Variants in SUGCT observed in about 807,000 individuals in gnomAD.
The protein encoded by SUGCT is succinyl-CoA:glutarate CoA-transferase.
In SUGCT, 41 loss-of-function variants were observed where a neutral mutation model predicts 55.0. The ratio of observed to expected loss-of-function variants is 0.74; its 90% CI spans 0.58 to 0.97. SUGCT has a LOEUF of 0.97. SUGCT is among the 50% of genes least tolerant of loss of function. The pLI is 0.00. For missense variants in SUGCT, 568 were observed against 547.8 expected (o/e 1.04, Z -0.37); for synonymous variants, 187 against 200.4 (o/e 0.93, Z 0.56).
At chr7:40,279,094 G>T (rs970904126) in intron 8 of SUGCT, among the ~76,000 whole-genome samples, 6 of 151,100 alleles carry the variant, frequency 4.0e-5, no homozygotes, top group Non-Finnish European at 5.9e-5. Flanking sequence ...GCCTTGGCCT[G>T]CCAACATGTT....
At chr7:40,647,431 T>C (rs1351162223) in intron 12 of SUGCT, among the ~76,000 whole-genome samples, 7 of 152,158 alleles carry the variant, frequency 4.6e-5, no homozygotes, top group Non-Finnish European at 8.8e-5. Flanking sequence ...GGTCAAATTA[T>C]CGGTGAAAAG....
intron 13 of SUGCT, among the ~76,000 whole-genome samples, chr7:40,844,133 G>A (rs1383310235): frequency 1.3e-5 from 2 of 152,086 alleles, no homozygotes; most frequent in Non-Finnish European, 2.9e-5. Flanking sequence ...TGCTTTTTTA[G>A]CTCTGCTGTC....
chr7:40,697,326 T>C (rs956035098), intron 12 of SUGCT, among the ~76,000 whole-genome samples: 3 of 152,180 alleles, frequency 2.0e-5, no homozygotes. Context: ...TGAAGGTATG[T>C]AGTAGATGCT....
chr7:40,437,578 CT>C (rs997448545), intron 9 of SUGCT, among the ~76,000 whole-genome samples: 1 of 152,178 alleles, frequency 6.6e-6, no homozygotes, highest in African/African-American at 2.4e-5. Context: ...ATAGATGACA[CT>C]GTTCTTAATT....
the SUGCT span, among the ~76,000 whole-genome samples, chr7:40,891,776 G>A: frequency 1.6e-4 from 24 of 152,220 alleles, no homozygotes; most frequent in Admixed American, 5.2e-4. Context: ...TTGGGAGGCC[G>A]AGGCAGGCAG....
At chr7:40,179,971 A>G (rs1377989632) in intron 1 of SUGCT, among the ~76,000 whole-genome samples, 2 of 152,216 alleles carry the variant, frequency 1.3e-5, no homozygotes, top group Non-Finnish European at 2.9e-5. Context: ...AATTTACCAC[A>G]TTAAACATTG....
intron 9 of SUGCT, among the ~76,000 whole-genome samples, chr7:40,370,061 T>C (rs75804118): frequency 2.0e-4 from 31 of 152,226 alleles, no homozygotes; most frequent in African/African-American, 7.2e-4. Flanking sequence ...TGTTGGATCC[T>C]TGGTTTAGGG....
chr7:40,393,104 T>A (rs6977218), intron 9 of SUGCT, among the ~76,000 whole-genome samples: 145,901 of 152,214 alleles, frequency 0.96, 70,224 homozygotes, highest in East Asian at 1. Flanking sequence ...TTGAGGAATT[T>A]TTATCATCTG....
At chr7:40,939,339 C>T in the SUGCT span, among the ~76,000 whole-genome samples, 2 of 152,292 alleles carry the variant, frequency 1.3e-5, no homozygotes, top group African/African-American at 2.4e-5. Flanking sequence ...TTCCACAACA[C>T]GTGGGAATTA....
intron 7 of SUGCT, among the ~76,000 whole-genome samples, chr7:40,271,417 C>A (rs980712127): frequency 2.6e-5 from 4 of 152,106 alleles, no homozygotes; most frequent in African/African-American, 7.2e-5. Flanking sequence ...AATGAGCCTT[C>A]GTGCCTGGCC....
At chr7:40,574,271 T>C (rs1796604761) in intron 12 of SUGCT, among the ~76,000 whole-genome samples, 1 of 152,192 alleles carries the variant, frequency 6.6e-6, no homozygotes, top group Admixed American at 6.5e-5. Context: ...CATTCACTTA[T>C]CTCTTTTTTA....
At chr7:40,213,798 G>A (rs1373047188) in intron 6 of SUGCT, among the ~76,000 whole-genome samples, 1 of 151,732 alleles carries the variant, frequency 6.6e-6, no homozygotes, top group Non-Finnish European at 1.5e-5. Context: ...TTTTTGTTTT[G>A]TTGCTAAAAT....
chr7:40,222,482 G>A (rs1042864813), intron 6 of SUGCT, among the ~76,000 whole-genome samples: 4 of 152,168 alleles, frequency 2.6e-5, no homozygotes, highest in Non-Finnish European at 4.4e-5. Flanking sequence ...AACACTGATG[G>A]TTTTTCTTAA....
chr7:40,995,935 C>T, the SUGCT span, among the ~76,000 whole-genome samples: 1 of 152,152 alleles, frequency 6.6e-6, no homozygotes, highest in African/African-American at 2.4e-5. Context: ...GTCATAAAAT[C>T]ACTTTTCTGG....
intron 12 of SUGCT, among the ~76,000 whole-genome samples, chr7:40,664,943 G>A (rs760837135): frequency 2.7e-5 from 4 of 147,560 alleles, no homozygotes; most frequent in Non-Finnish European, 5.9e-5. Flanking sequence ...TTGCGCCACT[G>A]CACTCCAGCC....
intron 12 of SUGCT, among the ~76,000 whole-genome samples, chr7:40,669,487 A>G (rs1436824043): frequency 2.0e-5 from 3 of 152,106 alleles, no homozygotes; most frequent in African/African-American, 4.8e-5. Context: ...CATAATTAAA[A>G]TACTTCAAGC....
the SUGCT span, among the ~76,000 whole-genome samples, chr7:41,018,257 G>A: frequency 6.6e-6 from 1 of 152,102 alleles, no homozygotes; most frequent in Non-Finnish European, 1.5e-5. Flanking sequence ...TGCAGGGGAG[G>A]AGGCTCCAGA....
intron 12 of SUGCT, among the ~76,000 whole-genome samples, chr7:40,744,012 C>A (rs1787603045): frequency 6.6e-6 from 1 of 152,108 alleles, no homozygotes; most frequent in African/African-American, 2.4e-5. Flanking sequence ...ACCTCCGTCT[C>A]CTGGGTTCAA....
chr7:40,301,113 C>T (rs921337921), intron 8 of SUGCT, among the ~76,000 whole-genome samples: 2 of 152,126 alleles, frequency 1.3e-5, no homozygotes, highest in Non-Finnish European at 2.9e-5. Context: ...CTCAGCATAT[C>T]GTCCCTCTAA....
Sources: gnomAD v4.1 joint callset for allele counts (sites outside exome capture counted in the v4.1 genomes callset) on GRCh38, gnomAD v4.1.1 for gene constraint, MANE v1.5 for transcripts, NCBI Gene and HGNC (gene_info 2026-07-23, HGNC 2026-07-21) for gene names.